The following SGMS1 variants were observed in gnomAD, a reference collection of about 807,000 sequenced individuals.
The protein encoded by SGMS1 is phosphatidylcholine:ceramide cholinephosphotransferase 1.
A neutral mutation model predicts 46.2 loss-of-function variants in SGMS1; 13 were observed. The ratio of observed to expected loss-of-function variants is 0.28; its 90% CI spans 0.18 to 0.45. The LOEUF is 0.45. SGMS1 is among the 20% of genes least tolerant of loss of function. The pLI, the probability that SGMS1 is intolerant of heterozygous loss-of-function variation, is 1.00. For missense variants in SGMS1, 324 were observed against 519.9 expected (o/e 0.62, Z 3.66); for synonymous variants, 203 against 187.8 (o/e 1.08, Z -0.66).
intron 6 of SGMS1, among the ~76,000 whole-genome samples, chr10:50,416,673 C>A (rs1428773996): frequency 6.6e-6 from 1 of 152,062 alleles, no homozygotes; most frequent in South Asian, 2.1e-4. Flanking sequence ...TTACACAGAG[C>A]CATTTGATCA....
intron 6 of SGMS1, among the ~76,000 whole-genome samples, chr10:50,427,165 G>C (rs763765160): frequency 1.3e-4 from 20 of 152,320 alleles, no homozygotes; most frequent in African/African-American, 4.6e-4. Context: ...TTGGAAGGCC[G>C]AGGCGGACAG....
intron 6 of SGMS1, among the ~76,000 whole-genome samples, chr10:50,382,235 A>G (rs1848617241): frequency 6.6e-6 from 1 of 152,208 alleles, no homozygotes; most frequent in Admixed American, 6.6e-5. Context: ...AAGAACTCCC[A>G]TATACAATAG....
In SGMS1 at chr10:50,343,729, G is replaced by C; in HGVS notation, c.386C>G (p.Pro129Arg). ...PMPELERSQY[P>R]MEWGKTFLAF... The stretch of plus-strand genomic sequence containing the variant: ...CAGAAAAGTCTTGCCCCACTCCATG[G>C]GGTACTGAGAGCGCTCCAGTTCTGG... The change falls in exon 7 of 11, where the codon CCC (proline) becomes CGC (arginine). Residue 129 changes from proline to arginine, a missense_variant. Around this residue, in one of 2 missense-constraint regions of SGMS1, gnomAD observed 150 missense variants for 169.8 expected, o/e 0.88. Transcript: ENST00000361781. The C allele has an allele frequency of 6.2e-7, 1 of 1,614,136 alleles. No homozygotes were observed. Among genetic ancestry groups the C allele is most frequent in the Non-Finnish European group, 8.5e-7 (1 of 1,180,020 alleles).
chr10:50,342,776 A>G (rs1411429712), intron 7 of SGMS1: 1 of 152,268 alleles, frequency 6.6e-6, no homozygotes, highest in Non-Finnish European at 1.5e-5. Context: ...CCCAGTAAAC[A>G]GCCAGTCTGA....
At chr10:50,441,928 CAG>C (rs960318361) in intron 5 of SGMS1, among the ~76,000 whole-genome samples, 33 of 152,198 alleles carry the variant, frequency 2.2e-4, no homozygotes, top group African/African-American at 8.0e-4. Flanking sequence ...AACTTGGTAA[CAG>C]AGGAATAAAA....
chr10:50,455,904 AT>A (rs1267813896), intron 5 of SGMS1, among the ~76,000 whole-genome samples: 1 of 152,108 alleles, frequency 6.6e-6, no homozygotes, highest in Non-Finnish European at 1.5e-5. Flanking sequence ...TCTACCACCA[AT>A]GCTTGTAAGG....
chr10:50,605,403 AT>A (rs1399026406), intron 1 of SGMS1, among the ~76,000 whole-genome samples: 1 of 152,260 alleles, frequency 6.6e-6, no homozygotes. Flanking sequence ...TCCAGTGAGC[AT>A]TTAACCAGCT....
intron 3 of SGMS1, among the ~76,000 whole-genome samples, chr10:50,473,460 G>T (rs1438362313): frequency 1.3e-5 from 2 of 152,056 alleles, no homozygotes; most frequent in Non-Finnish European, 1.5e-5. Flanking sequence ...GGCTTCAAAA[G>T]AAAAGTCAAC....
intron 7 of SGMS1, among the ~76,000 whole-genome samples, chr10:50,339,822 T>C (rs1847783325): frequency 6.6e-6 from 1 of 152,160 alleles, no homozygotes; most frequent in Non-Finnish European, 1.5e-5. Context: ...TGAAATGTGA[T>C]ATGGGCTTAA....
chr10:50,331,367 A>G (rs1847621751), intron 7 of SGMS1, among the ~76,000 whole-genome samples: 1 of 152,244 alleles, frequency 6.6e-6, no homozygotes, highest in Admixed American at 6.5e-5. Flanking sequence ...ACTGCATCAC[A>G]TTGTGTAAGA....
At chr10:50,451,714 G>A (rs1837112030) in intron 5 of SGMS1, among the ~76,000 whole-genome samples, 1 of 152,080 alleles carries the variant, frequency 6.6e-6, no homozygotes. Flanking sequence ...CAGGTGAGTG[G>A]CACACATATG....
intron 3 of SGMS1, among the ~76,000 whole-genome samples, chr10:50,470,956 T>C (rs957818789): frequency 2.0e-5 from 3 of 152,266 alleles, no homozygotes; most frequent in Non-Finnish European, 4.4e-5. Flanking sequence ...AAGAACAGAC[T>C]TACACATTGC....
chr10:50,438,285 G>C (rs1411698216), intron 5 of SGMS1, among the ~76,000 whole-genome samples: 1 of 152,184 alleles, frequency 6.6e-6, no homozygotes, highest in Non-Finnish European at 1.5e-5. Flanking sequence ...ATGTATGTGG[G>C]TACATTACAT....
chr10:50,383,864 T>C (rs1848644404), intron 6 of SGMS1, among the ~76,000 whole-genome samples: 1 of 152,190 alleles, frequency 6.6e-6, no homozygotes, highest in South Asian at 2.1e-4. Flanking sequence ...TGTTTAGTAA[T>C]ATTTAAAACG....
chr10:50,400,342 T>C (rs747211376), intron 6 of SGMS1, among the ~76,000 whole-genome samples: 3 of 137,562 alleles, frequency 2.2e-5, no homozygotes, highest in African/African-American at 7.8e-5. Flanking sequence ...ACCTACACCA[T>C]AGCTTGTGAA....
intron 3 of SGMS1, among the ~76,000 whole-genome samples, chr10:50,484,583 G>C (rs1263058586): frequency 6.6e-6 from 1 of 151,986 alleles, no homozygotes; most frequent in Non-Finnish European, 1.5e-5. Context: ...ACCTGGCAGA[G>C]AAAATACAAA....
chr10:50,562,552 C>T (rs1455778328), intron 2 of SGMS1, among the ~76,000 whole-genome samples: 8 of 152,126 alleles, frequency 5.3e-5, no homozygotes, highest in Non-Finnish European at 1.0e-4. Flanking sequence ...TGTCTCCACA[C>T]TCTTTTTTTG....
intron 6 of SGMS1, among the ~76,000 whole-genome samples, chr10:50,402,211 CAAT>C (rs1308501000): frequency 2.6e-5 from 4 of 152,214 alleles, no homozygotes; most frequent in African/African-American, 4.8e-5. Context: ...CTCAAAACAA[CAAT>C]GACTATTTCT....
At chr10:50,592,075 C>T (rs936979896) in intron 1 of SGMS1, among the ~76,000 whole-genome samples, 1 of 152,206 alleles carries the variant, frequency 6.6e-6, no homozygotes, top group Non-Finnish European at 1.5e-5. Context: ...AACACCTGCT[C>T]ACAAGGATGT....
Sources: gnomAD v4.1 joint callset for allele counts (sites outside exome capture counted in the v4.1 genomes callset) on GRCh38, gnomAD v4.1.1 for gene constraint, gnomAD v4.1.1 regional missense constraint, MANE v1.5 for transcripts, NCBI Gene and HGNC (gene_info 2026-07-23, HGNC 2026-07-21) for gene names.